The following TRHDE variants were observed in gnomAD, a reference collection of about 807,000 sequenced individuals.
TRHDE encodes the protein thyrotropin-releasing hormone-degrading ectoenzyme.
Under a neutral mutation model 125.7 loss-of-function variants are expected in TRHDE, and 72 were observed. The observed-to-expected ratio is 0.57, with a 90% confidence interval of 0.47 to 0.70. TRHDE has a LOEUF of 0.70. Ranked by LOEUF, TRHDE falls within the 30% of genes least tolerant of loss-of-function variation. The pLI is 0.00. For missense variants in TRHDE, 1,110 were observed against 1,327.1 expected (o/e 0.84, Z 2.54); for synonymous variants, 509 against 509.1 (o/e 1.00, Z 0.00).
At chr12:72,240,533 G>T (rs1181302776) in intron 2 of TRHDE, among the ~76,000 whole-genome samples, 1 of 151,588 alleles carries the variant, frequency 6.6e-6, no homozygotes, top group Non-Finnish European at 1.5e-5. Context: ...TCTGTCCTTA[G>T]CAGAGAGCTT....
At chr12:72,331,690 C>T (rs1430161039) in intron 2 of TRHDE, among the ~76,000 whole-genome samples, 4 of 152,086 alleles carry the variant, frequency 2.6e-5, no homozygotes, top group Admixed American at 2.0e-4. Flanking sequence ...GGGCACTCTA[C>T]GAGATGTGTG....
chr12:72,466,875 T>C (rs1473028111), intron 3 of TRHDE, among the ~76,000 whole-genome samples: 1 of 152,182 alleles, frequency 6.6e-6, no homozygotes, highest in Non-Finnish European at 1.5e-5. Flanking sequence ...GCATTTATCA[T>C]TTACTAATTT....
At chr12:72,579,579 C>G (rs1871146609) in intron 12 of TRHDE, among the ~76,000 whole-genome samples, 1 of 152,014 alleles carries the variant, frequency 6.6e-6, no homozygotes. Flanking sequence ...TATTTTTAAG[C>G]TTTGTGGTGG....
intron 2 of TRHDE, among the ~76,000 whole-genome samples, chr12:72,320,720 G>T (rs189495765): frequency 6.6e-6 from 1 of 152,094 alleles, no homozygotes; most frequent in Admixed American, 6.6e-5. Context: ...TAAAATATGG[G>T]TCAGCCGTTT....
chr12:72,633,144 C>T (rs1873568768), intron 15 of TRHDE, among the ~76,000 whole-genome samples: 1 of 151,880 alleles, frequency 6.6e-6, no homozygotes, highest in Non-Finnish European at 1.5e-5. Flanking sequence ...GTGTCCCTTT[C>T]AAAGTACATT....
chr12:72,223,093 C>T (rs1452166816), intron 2 of TRHDE, among the ~76,000 whole-genome samples: 2 of 151,896 alleles, frequency 1.3e-5, no homozygotes, highest in East Asian at 3.9e-4. Context: ...GCATAGTGAC[C>T]TGAGAAAGAA....
Position 72,669,767 on chromosome 12 carries a change from A to G in TRHDE, c.*6572A>G, listed in dbSNP as rs1226111924. 1 of 151,828 alleles carries G rather than the reference A, an allele frequency of 6.6e-6. No homozygotes were observed. Among genetic ancestry groups the G allele is most frequent in the East Asian group, 1.9e-4 (1 of 5,170 alleles). 9.4% of individuals were successfully genotyped at this position (151,828 alleles called of 1,614,324 possible). A position where few individuals can be genotyped will look rare whatever the true frequency, so the allele number is the denominator to read the frequency against. On this transcript the variant is annotated 3_prime_UTR_variant, in exon 19 of 19. Coordinates refer to ENST00000261180, the MANE Select transcript of TRHDE (RefSeq NM_013381.3). ...AATTTTTCCTCAAATGTTGTATTCT[A>G]CCTTTCAAAATATTGTGTAACAGCA...
At chr12:72,523,602 A>G (rs1270395259) in intron 6 of TRHDE, among the ~76,000 whole-genome samples, 12 of 152,164 alleles carry the variant, frequency 7.9e-5, no homozygotes, top group Admixed American at 7.9e-4. Context: ...ATGTTTTATA[A>G]AAATTATTTT....
At chr12:72,463,269 G>T (rs531149062) in intron 3 of TRHDE, among the ~76,000 whole-genome samples, 3 of 152,292 alleles carry the variant, frequency 2.0e-5, no homozygotes, top group Non-Finnish European at 2.9e-5. Flanking sequence ...TTGTCTTCCA[G>T]AACTTTCTAT....
chr12:72,473,934 T>C lies in TRHDE; in HGVS notation c.1584+754T>C, dbSNP rs182589221. On this transcript the variant is annotated intron_variant, in intron 5 of 18. Transcript: ENST00000261180. ...GTGGTACTATTAAATTAAGTAAAAA[T>C]TGCAATGTACCAATACTTATCAATT... Among the ~76,000 whole-genome samples, 24 of 152,188 alleles carry C rather than the reference T, an allele frequency of 1.6e-4. No homozygotes were observed. The East Asian group carries it at 4.6e-3, about 29-fold the overall frequency.
chr12:72,515,285 C>G (rs1281993906), intron 6 of TRHDE, among the ~76,000 whole-genome samples: 10 of 139,526 alleles, frequency 7.2e-5, no homozygotes, highest in Non-Finnish European at 1.4e-4. Context: ...TTCTCCACAT[C>G]CTCTCCAGCA....
At chr12:72,558,220 A>G (rs551754229) in intron 7 of TRHDE, among the ~76,000 whole-genome samples, 1 of 152,324 alleles carries the variant, frequency 6.6e-6, no homozygotes, top group Admixed American at 6.5e-5. Flanking sequence ...GCTATTATAT[A>G]GAACATTGTG....
At chr12:72,318,972 T>C (rs1592541271) in intron 2 of TRHDE, among the ~76,000 whole-genome samples, 2 of 152,200 alleles carry the variant, frequency 1.3e-5, no homozygotes. Flanking sequence ...CGAATCGACA[T>C]AGTGGAAGTA....
intron 2 of TRHDE, among the ~76,000 whole-genome samples, chr12:72,352,536 C>G (rs1384113219): frequency 6.6e-6 from 1 of 151,726 alleles, no homozygotes; most frequent in Non-Finnish European, 1.5e-5. Flanking sequence ...CTGAATAATA[C>G]TTTTGAATAT....
intron 2 of TRHDE, among the ~76,000 whole-genome samples, chr12:72,148,518 A>G (rs535634149): frequency 7.9e-5 from 12 of 152,330 alleles, no homozygotes; most frequent in Admixed American, 7.2e-4. Context: ...TTAAAGATGT[A>G]GACAGACTAT....
chr12:72,290,110 C>G (rs10735967), intron 2 of TRHDE, among the ~76,000 whole-genome samples: 133,449 of 152,216 alleles, frequency 0.88, 58,550 homozygotes, highest in East Asian at 0.94. Flanking sequence ...GGGAGAAATT[C>G]TTAAGGTTTG....
chr12:72,089,264 A>G (rs1266765207), intron 1 of TRHDE, among the ~76,000 whole-genome samples: 1 of 152,082 alleles, frequency 6.6e-6, no homozygotes, highest in African/African-American at 2.4e-5. Context: ...TGCCCTCTCC[A>G]GTTTTTTTCT....
chr12:72,336,235 C>T (rs920139050), intron 2 of TRHDE, among the ~76,000 whole-genome samples: 1 of 152,154 alleles, frequency 6.6e-6, no homozygotes, highest in African/African-American at 2.4e-5. Flanking sequence ...GACTCCAAAA[C>T]CTGTGCTGCA....
At chr12:72,553,917 C>G (rs1373907409) in intron 7 of TRHDE, among the ~76,000 whole-genome samples, 1 of 149,232 alleles carries the variant, frequency 6.7e-6, no homozygotes, top group Non-Finnish European at 1.5e-5. Flanking sequence ...GGTACAACCT[C>G]AACGCACTGC....
Sources: allele counts gnomAD v4.1 joint callset (sites outside exome capture counted in the v4.1 genomes callset), GRCh38; gene constraint gnomAD v4.1.1; transcripts MANE v1.5; gene names NCBI Gene and HGNC (gene_info 2026-07-23, HGNC 2026-07-21).